Variants in ST3GAL3 observed in about 807,000 individuals in gnomAD.
ST3GAL3 encodes ST3 beta-galactoside alpha-2,3-sialyltransferase 3.
ST3GAL3 carries 21 observed loss-of-function variants against 50.1 expected under a neutral mutation model. The ratio of observed to expected loss-of-function variants is 0.42; its 90% CI spans 0.30 to 0.60. ST3GAL3 has a LOEUF of 0.60. Among genes scored for constraint, ST3GAL3 ranks in the 20% least tolerant of loss-of-function variants. ST3GAL3 has a pLI of 0.19. For synonymous variants in ST3GAL3, 183 were observed against 190.0 expected (o/e 0.96, Z 0.30); for missense variants, 353 against 489.4 (o/e 0.72, Z 2.63).
rs577665853 is a variant in ST3GAL3, at chr1:43,762,909, T to C, written c.118+26529T>C. ...AGGAAGGGCACAATGGGAAGAAGCC[T>C]GAGAAGGAGCAGCCAGACAGATAGG... On this transcript the variant is annotated intron_variant, in intron 2 of 11. Transcript: ENST00000347631. Among the ~76,000 whole-genome samples, 7 of 151,998 alleles carry C rather than the reference T, an allele frequency of 4.6e-5. No homozygotes were observed. In the East Asian group the frequency reaches 1.4e-3, roughly 29 times the overall value.
intron 5 of ST3GAL3, among the ~76,000 whole-genome samples, chr1:43,875,947 C>A (rs200720067): frequency 0.21 from 12,024 of 56,802 alleles, 897 homozygotes; most frequent in African/African-American, 0.37. Context: ...TCTTCTTCTT[C>A]TTCTTATTAT....
At chr1:43,772,145 G>A (rs1695501542) in intron 2 of ST3GAL3, 1 of 397,740 alleles carries the variant, frequency 2.5e-6, no homozygotes, top group East Asian at 3.6e-5. Flanking sequence ...CGCCTCCCGG[G>A]TTCAAGCGAT....
intron 5 of ST3GAL3, chr1:43,879,354 A>C (rs764543436): frequency 2.2e-6 from 1 of 456,252 alleles, no homozygotes; most frequent in South Asian, 1.5e-5. Context: ...TCGAACCTTC[A>C]TGGCATGGTT....
At chr1:43,868,922 A>G (rs2154243736) in intron 5 of ST3GAL3, among the ~76,000 whole-genome samples, 1 of 152,186 alleles carries the variant, frequency 6.6e-6, no homozygotes, top group African/African-American at 2.4e-5. Flanking sequence ...AACTAATCCA[A>G]ACTGTAGACA....
At chr1:43,824,604 C>T (rs2062538889) in intron 4 of ST3GAL3, 4 of 1,083,656 alleles carry the variant, frequency 3.7e-6, no homozygotes, top group East Asian at 2.4e-5. Context: ...CATAGCATTG[C>T]AGGATTTGGC....
chr1:43,904,603 C>T (rs541011287), intron 9 of ST3GAL3, among the ~76,000 whole-genome samples: 5 of 152,022 alleles, frequency 3.3e-5, no homozygotes, highest in Admixed American at 6.5e-5. Flanking sequence ...TCCCTCAGCT[C>T]CTCTTCCTCA....
At chr1:43,798,325 C>T (rs899225667) in intron 3 of ST3GAL3, among the ~76,000 whole-genome samples, 13 of 152,206 alleles carry the variant, frequency 8.5e-5, no homozygotes, top group Non-Finnish European at 5.9e-5. Flanking sequence ...AAACCTAAAT[C>T]GGATCCTGTC....
chr1:43,782,966 T>C (rs184559461), intron 2 of ST3GAL3, among the ~76,000 whole-genome samples: 16 of 152,160 alleles, frequency 1.1e-4, no homozygotes, highest in South Asian at 2.1e-4. Flanking sequence ...CCAAACCTCA[T>C]AGGGGGATGT....
chr1:43,833,387 G>A (rs1035532646), intron 4 of ST3GAL3, among the ~76,000 whole-genome samples: 6 of 152,282 alleles, frequency 3.9e-5, no homozygotes, highest in East Asian at 1.9e-4. Flanking sequence ...GTGTAATGGA[G>A]TGTAATGCTA....
At chr1:43,714,847 T>C (rs753068405) in intron 1 of ST3GAL3, among the ~76,000 whole-genome samples, 2 of 152,216 alleles carry the variant, frequency 1.3e-5, no homozygotes, top group Non-Finnish European at 2.9e-5. Flanking sequence ...GTTTAATTCA[T>C]ATTTATTTTC....
At chr1:43,910,606 G>C (rs913463424) in intron 9 of ST3GAL3, among the ~76,000 whole-genome samples, 28 of 152,238 alleles carry the variant, frequency 1.8e-4, no homozygotes, top group Non-Finnish European at 1.5e-5. Flanking sequence ...ACAGGATAAG[G>C]AGTGAGAGTG....
intron 9 of ST3GAL3, among the ~76,000 whole-genome samples, chr1:43,902,419 G>A (rs1171605420): frequency 6.6e-6 from 1 of 152,200 alleles, no homozygotes; most frequent in Non-Finnish European, 1.5e-5. Flanking sequence ...GGGCAGGGGG[G>A]AAGATGTAGG....
At position 43,737,287 on chromosome 1, in the gene ST3GAL3, A is replaced by G. The variant is rs569586060; in HGVS notation, c.118+907A>G. On this transcript the variant is annotated intron_variant, in intron 2 of 11. Transcript: ENST00000347631. The surrounding 1 kb of genome is among the most constrained non-coding windows in gnomAD (Gnocchi z 4.0). ...AACATCTACCAGATACCAGTATAGA[A>G]CTCACTTGAGAAGAGAGTCAGTCTC... 6.6e-6 allele frequency: 1 copy of G among 152,314 alleles called. No homozygotes were observed. The highest frequency in any genetic ancestry group is 2.1e-4 in the South Asian group (1 of 4,818). 9.4% of individuals were successfully genotyped at this position (152,314 alleles called of 1,614,324 possible). A position where few individuals can be genotyped will look rare whatever the true frequency, so the allele number is the denominator to read the frequency against.
chr1:43,880,672 A>T (rs1051544548), intron 5 of ST3GAL3, among the ~76,000 whole-genome samples: 1 of 152,052 alleles, frequency 6.6e-6, no homozygotes, highest in Non-Finnish European at 1.5e-5. Flanking sequence ...TCTGTCTTGA[A>T]CACTTGCTCA....
At chr1:43,925,439 C>T (rs1431383435) in intron 11 of ST3GAL3, among the ~76,000 whole-genome samples, 2 of 152,064 alleles carry the variant, frequency 1.3e-5, no homozygotes, top group African/African-American at 2.4e-5. Flanking sequence ...TGGAAAGGAC[C>T]GGATGTGATC....
intron 3 of ST3GAL3, 104 bp downstream of exon 3, chr1:43,792,253 T>C: frequency 7.0e-7 from 1 of 1,434,810 alleles, no homozygotes; most frequent in Admixed American, 1.7e-5. Flanking sequence ...CAGTGGAATA[T>C]CCCAGAATTG....
intron 2 of ST3GAL3, among the ~76,000 whole-genome samples, chr1:43,754,761 G>A (rs762593523): frequency 1.3e-5 from 2 of 152,130 alleles, no homozygotes; most frequent in Non-Finnish European, 2.9e-5. Context: ...ACCAGCCTGA[G>A]CAGCATAGTG....
At chr1:43,753,578 C>G (rs886598132) in intron 2 of ST3GAL3, among the ~76,000 whole-genome samples, 7 of 152,184 alleles carry the variant, frequency 4.6e-5, no homozygotes, top group Non-Finnish European at 1.5e-5. Context: ...GCAGACAGGT[C>G]TCAGTTCCCT....
At chr1:43,749,618 C>T (rs1685230333) in intron 2 of ST3GAL3, among the ~76,000 whole-genome samples, 1 of 152,158 alleles carries the variant, frequency 6.6e-6, no homozygotes, top group Non-Finnish European at 1.5e-5. Flanking sequence ...TGACAAAGGA[C>T]TTGAACAGAT....
Sources: gnomAD v4.1 joint callset for allele counts (sites outside exome capture counted in the v4.1 genomes callset) on GRCh38, gnomAD v4.1.1 for gene constraint, Gnocchi (gnomAD v3.1) non-coding constraint, MANE v1.5 for transcripts, NCBI Gene and HGNC (gene_info 2026-07-23, HGNC 2026-07-21) for gene names.